COL25A1: variants seen among roughly 807,000 people sequenced by gnomAD.
The protein encoded by COL25A1 is collagen type XXV alpha 1 chain.
In COL25A1, 103 loss-of-function variants were observed where a neutral mutation model predicts 128.4. The ratio of observed to expected loss-of-function variants is 0.80; its 90% CI spans 0.68 to 0.94. COL25A1 has a LOEUF of 0.94. Among genes scored for constraint, COL25A1 ranks in the 40% least tolerant of loss-of-function variants. The probability of loss-of-function intolerance (pLI) is 0.00; values close to 1 mark genes in which losing one functional copy is unlikely to be tolerated. For missense variants in COL25A1, 745 were observed against 840.0 expected, an observed-to-expected ratio of 0.89 and a Z score of 1.40; for synonymous variants, 279 against 277.2, an observed-to-expected ratio of 1.01 and a Z score of -0.06.
chr4:109,254,509 A>ATATATATATATATATATG (rs59126671), intron 3 of COL25A1, among the ~76,000 whole-genome samples: 5 of 104,536 alleles, frequency 4.8e-5, no homozygotes, highest in African/African-American at 1.9e-4. Flanking sequence ...ATATATATGT[A>ATATATATATATATATATG]TGTGTGTATA....
At chr4:108,949,976 T>C (rs1749217231) in intron 8 of COL25A1, among the ~76,000 whole-genome samples, 1 of 152,236 alleles carries the variant, frequency 6.6e-6, no homozygotes, top group Non-Finnish European at 1.5e-5. Flanking sequence ...ATAGACTTTA[T>C]ACCAGGCTTT....
At chr4:109,192,251 A>G (rs1273728765) in intron 3 of COL25A1, among the ~76,000 whole-genome samples, 1 of 152,194 alleles carries the variant, frequency 6.6e-6, no homozygotes, top group African/African-American at 2.4e-5. Flanking sequence ...ACTAAGGAAA[A>G]AAGATCTCGG....
chr4:108,965,853 T>C (rs1751237318), intron 8 of COL25A1, among the ~76,000 whole-genome samples: 3 of 152,158 alleles, frequency 2.0e-5, no homozygotes, highest in Admixed American at 2.0e-4. Flanking sequence ...AGAATAAAAG[T>C]GGAACAACAA....
chr4:109,196,245 T>G (rs1480980944), intron 3 of COL25A1, among the ~76,000 whole-genome samples: 1 of 152,210 alleles, frequency 6.6e-6, no homozygotes, highest in Non-Finnish European at 1.5e-5. Context: ...CTTTCCTCTT[T>G]AAGTCTAAAG....
intron 3 of COL25A1, among the ~76,000 whole-genome samples, chr4:109,157,038 G>A (rs1358730248): frequency 6.6e-6 from 1 of 152,106 alleles, no homozygotes; most frequent in Non-Finnish European, 1.5e-5. Flanking sequence ...AAGCGCACAA[G>A]ACCCAGGGCA....
At chr4:108,967,941 A>G (rs7672264) in intron 8 of COL25A1, among the ~76,000 whole-genome samples, 46,130 of 152,050 alleles carry the variant, frequency 0.3, 7,551 homozygotes, top group South Asian at 0.46. Context: ...TTATCTCTTT[A>G]CGCCCGGATA....
At chr4:108,977,531 T>TAAAA (rs1752552769) in intron 6 of COL25A1, among the ~76,000 whole-genome samples, 2 of 152,172 alleles carry the variant, frequency 1.3e-5, no homozygotes, top group African/African-American at 4.8e-5. Flanking sequence ...GTGGGGCAGA[T>TAAAA]GAAAGCCAAA....
chr4:109,136,543 G>A (rs1334236279), intron 3 of COL25A1, among the ~76,000 whole-genome samples: 1 of 152,250 alleles, frequency 6.6e-6, no homozygotes, highest in African/African-American at 2.4e-5. Flanking sequence ...GTAGTCTGTA[G>A]TACACACGTG....
chr4:109,067,429 GA>G lies in COL25A1; in HGVS notation c.368-17251del, dbSNP rs148760160. On this transcript the variant is annotated intron_variant, in intron 3 of 37. Coordinates refer to ENST00000399132, the MANE Select transcript of COL25A1 (RefSeq NM_198721.4). ...ACAGTGAAACTCTTTGATGTCTAAG[GA>G]AAAAAAAAATTGAAAATATTTTTGT... Among the ~76,000 whole-genome samples, 88 of 148,708 alleles carry G rather than the reference GA, an allele frequency of 5.9e-4. No individual in the cohort carries two copies. The East Asian group carries it at 0.01, about 18-fold the overall frequency.
At chr4:108,832,712 A>C in intron 31 of COL25A1, 1 of 259,618 alleles carries the variant, frequency 3.9e-6, no homozygotes, top group Non-Finnish European at 7.3e-6. Flanking sequence ...ATAAAGCATC[A>C]CTGGCTGGGT....
At chr4:108,835,358 C>A (rs1251401939) in intron 31 of COL25A1, among the ~76,000 whole-genome samples, 2 of 152,072 alleles carry the variant, frequency 1.3e-5, no homozygotes, top group Admixed American at 1.3e-4. Flanking sequence ...CCTAAAAATT[C>A]TATTGTCAAG....
chr4:108,995,469 T>C (rs1425250646), intron 6 of COL25A1, among the ~76,000 whole-genome samples: 1 of 152,102 alleles, frequency 6.6e-6, no homozygotes, highest in East Asian at 1.9e-4. Context: ...TGGGACTATG[T>C]GAAAAGACCA....
At position 108,942,063 on chromosome 4, in the gene COL25A1, G is replaced by T. The variant is rs575340019; in HGVS notation, c.493-626C>A. The stretch of plus-strand genomic sequence containing the variant: ...CTCTTAATAGATATTTGACCTCAAT[G>T]ATGCAAGTGGGGTCCCAAGTGCCCA... On this transcript the variant is annotated intron_variant, in intron 8 of 37. Transcript: ENST00000399132. 4.4e-6 allele frequency: 3 copies of T among 685,304 alleles called. No individual in the cohort carries two copies. The African/African-American group carries it at 5.4e-5, about 12-fold the overall frequency. The allele number at this position is 685,304 out of a possible 1,614,324, so 42.5% of individuals were successfully genotyped here.
intron 35 of COL25A1, among the ~76,000 whole-genome samples, chr4:108,822,388 A>C (rs973656226): frequency 6.6e-6 from 1 of 152,078 alleles, no homozygotes; most frequent in Admixed American, 6.6e-5. Context: ...CATACAACCA[A>C]CTAGGTAAAT....
rs117807254 is a variant in COL25A1 at position 109,103,738 on chromosome 4, A to G, written c.368-53559T>C. 3.9e-3 allele frequency among the ~76,000 whole-genome samples: 588 copies of G among 152,322 alleles called. 20 individuals are homozygous for G. The East Asian group carries it at 0.095, about 25-fold the overall frequency. ...AGCATCTTGTCATGGAAGCTATCAC[A>G]ACCACTAGCGTTCTGTCAAAGGGCT... On this transcript the variant is annotated intron_variant, in intron 3 of 37. Coordinates refer to ENST00000399132, the MANE Select transcript of COL25A1 (RefSeq NM_198721.4).
chr4:109,261,681 G>A (rs1358346712), intron 3 of COL25A1, among the ~76,000 whole-genome samples: 1 of 150,812 alleles, frequency 6.6e-6, no homozygotes, highest in Non-Finnish European at 1.5e-5. Flanking sequence ...GTAATATTTT[G>A]ATATACAATA....
rs573867450 is a variant in COL25A1 at position 109,184,882 on chromosome 4, C to A, written c.367+115701G>T. 1.8e-4 allele frequency among the ~76,000 whole-genome samples: 27 copies of A among 152,296 alleles called. No homozygotes were observed. The East Asian group carries it at 2.7e-3, about 15-fold the overall frequency. ...CTCATTCCTTATTCAACAGCTCAAA[C>A]TATTACAAAGCTCCTGTTTTAGTAG... is the stretch of plus-strand genomic sequence containing the variant. On this transcript the variant is annotated intron_variant, in intron 3 of 37. Transcript: ENST00000399132.
chr4:109,075,123 G>A (rs1161163780), intron 3 of COL25A1, among the ~76,000 whole-genome samples: 1 of 152,132 alleles, frequency 6.6e-6, no homozygotes, highest in Non-Finnish European at 1.5e-5. Flanking sequence ...GTTTTATGAT[G>A]AGAATATGAC....
intron 6 of COL25A1, among the ~76,000 whole-genome samples, chr4:108,988,753 T>C (rs1753890139): frequency 6.6e-6 from 1 of 152,240 alleles, no homozygotes; most frequent in African/African-American, 2.4e-5. Context: ...TGAATAACTT[T>C]CTACTTGCAA....
Sources: allele counts gnomAD v4.1 joint callset (sites outside exome capture counted in the v4.1 genomes callset), GRCh38; gene constraint gnomAD v4.1.1; transcripts MANE v1.5; gene names NCBI Gene and HGNC (gene_info 2026-07-23, HGNC 2026-07-21).